Variants in SNRPN observed in about 807,000 individuals in gnomAD.
The protein encoded by SNRPN is small nuclear ribonucleoprotein-associated protein N.
SNRPN carries 7 observed loss-of-function variants against 25.2 expected under a neutral mutation model. The observed-to-expected ratio is 0.28, with a 90% confidence interval of 0.16 to 0.52. The LOEUF (loss-of-function observed/expected upper bound fraction) is 0.52. Ranked by LOEUF, SNRPN falls within the 20% of genes least tolerant of loss-of-function variation. The probability of loss-of-function intolerance (pLI) is 0.96; values close to 1 mark genes in which losing one functional copy is unlikely to be tolerated. For synonymous variants in SNRPN, 124 were observed against 110.6 expected (o/e 1.12, Z -0.76); for missense variants, 196 against 322.5 (o/e 0.61, Z 3.00).
chr15:24,923,827 G>A lies in SNRPN; in HGVS notation c.-391+3703G>A, dbSNP rs555622486. Among the ~76,000 whole-genome samples the A allele has an allele frequency of 3.7e-4, 55 of 150,520 alleles. 2 individuals are homozygous for A. The South Asian group carries it at 0.012, about 32-fold the overall frequency. Reference sequence around the variant, plus strand: ...GGAAGGGCTCACTTGGGTCTTCTCAGTTGCTGGAGTTCACTGTGATAAATT... The same window carrying A: ...GGAAGGGCTCACTTGGGTCTTCTCAATTGCTGGAGTTCACTGTGATAAATT... On this transcript the variant is annotated intron_variant, in intron 3 of 11. Coordinates refer to the SNRPN transcript ENST00000400097.
intron 3 of SNRPN, among the ~76,000 whole-genome samples, chr15:24,920,709 C>T (rs1199800518): frequency 1.3e-5 from 2 of 152,106 alleles, no homozygotes; most frequent in African/African-American, 4.8e-5. Context: ...GGGCGGGCAG[C>T]GGGCGTGTAT....
rs1276410497 is a variant in SNRPN at position 24,929,067 on chromosome 15, T to G, written c.-391+8943T>G. 6.6e-6 allele frequency among the ~76,000 whole-genome samples: 1 copy of G among 152,302 alleles called. No individual in the cohort carries two copies. Among genetic ancestry groups the G allele is most frequent in the Non-Finnish European group, 1.5e-5 (1 of 68,022 alleles). ...GCGTACTTAGAAACCAAGGTCTTGG[T>G]GCTACTGGTATGTTATTGCTTTTAG... On this transcript the variant is annotated intron_variant, in intron 3 of 11. Transcript: ENST00000400097. The surrounding 1 kb of genome is among the most constrained non-coding windows in gnomAD (Gnocchi z 5.3).
chr15:24,877,661 AACACACACACAC>A (rs72120147), intron 1 of SNRPN, among the ~76,000 whole-genome samples: 340 of 144,754 alleles, frequency 2.3e-3, no homozygotes, highest in African/African-American at 7.3e-3. Context: ...ATCTCTACAA[AACACACACACAC>A]ACACACACAC....
intron 2 of SNRPN, chr15:24,848,849 AAAAAATGTACAAGGTT>A (rs2052513447): frequency 6.6e-6 from 1 of 152,142 alleles, no homozygotes; most frequent in African/African-American, 2.4e-5. Context: ...GTGTTTTAAG[AAAAAATGTACAAGGTT>A]GAAAGAAGTT....
chr15:24,974,934 G>A (rs1225357007), intron 4 of SNRPN: 1 of 702,992 alleles, frequency 1.4e-6, no homozygotes, highest in Admixed American at 2.0e-5. Context: ...GTGAAGGACT[G>A]TCCTGCAGAT....
chr15:24,857,741 G>A (rs965985265), intron 1 of SNRPN, among the ~76,000 whole-genome samples: 4 of 152,184 alleles, frequency 2.6e-5, no homozygotes, highest in Non-Finnish European at 4.4e-5. Context: ...TGTCTAGACA[G>A]AGCCGATTTA....
intron 3 of SNRPN, 68 bp downstream of exon 3, chr15:24,968,150 T>C: frequency 1.1e-6 from 1 of 895,668 alleles, no homozygotes; most frequent in South Asian, 1.4e-5. Context: ...GGGGTTCTCT[T>C]AATTATCAGT....
chr15:24,868,829 G>GTATT (rs1279205058), intron 1 of SNRPN, among the ~76,000 whole-genome samples: 1 of 152,114 alleles, frequency 6.6e-6, no homozygotes, highest in African/African-American at 2.4e-5. Flanking sequence ...ACTGAACAAT[G>GTATT]TATTACTTAG....
chr15:24,848,522 A>C (rs1016655593), intron 2 of SNRPN: 1 of 152,138 alleles, frequency 6.6e-6, no homozygotes, highest in African/African-American at 2.4e-5. Context: ...TCTCTTTCCC[A>C]AAAACTGTGG....
intron 3 of SNRPN, among the ~76,000 whole-genome samples, chr15:24,935,232 G>A (rs994159447): frequency 5.3e-5 from 8 of 151,310 alleles, no homozygotes; most frequent in Admixed American, 3.3e-4. Flanking sequence ...AGATCATGCC[G>A]CTACACTCCA....
intron 2 of SNRPN, chr15:24,909,603 T>C: frequency 5.7e-6 from 7 of 1,234,652 alleles, no homozygotes; most frequent in Middle Eastern, 2.7e-4. Context: ...GTGCAGACTA[T>C]CATATCCCCC....
intron 1 of SNRPN, among the ~76,000 whole-genome samples, chr15:24,883,276 C>A (rs1595682828): frequency 6.6e-6 from 1 of 152,326 alleles, no homozygotes; most frequent in Non-Finnish European, 1.5e-5. Context: ...GCAGTCTCTG[C>A]CAGGATGTGC....
At chr15:24,851,047 T>C (rs1293784942) in intron 2 of SNRPN, 2 of 152,054 alleles carry the variant, frequency 1.3e-5, no homozygotes, top group Non-Finnish European at 2.9e-5. Context: ...CAGCCTCCCA[T>C]GTAGCTGGGA....
upstream of SNRPN, among the ~76,000 whole-genome samples, chr15:24,951,834 T>G (rs1417775207): frequency 1.3e-5 from 2 of 152,192 alleles, no homozygotes; most frequent in Admixed American, 1.3e-4. Flanking sequence ...TTATACATTC[T>G]GGATACTACA....
chr15:24,877,883 T>C (rs1213507871), intron 1 of SNRPN, among the ~76,000 whole-genome samples: 1 of 152,170 alleles, frequency 6.6e-6, no homozygotes. Context: ...CCAGCAACGA[T>C]ACAGGGAAGC....
Position 24,959,435 on chromosome 15 carries a change from A to G in SNRPN, c.-390-2679A>G, listed in dbSNP as rs569792702. ...GGAGCCTGGGAGTTCAAGCTTGGGTATTGAGACCCCGTCTCTACATTTAAA... is the reference window on the plus strand; with the variant it reads ...GGAGCCTGGGAGTTCAAGCTTGGGTGTTGAGACCCCGTCTCTACATTTAAA... On this transcript the variant is annotated intron_variant, in intron 1 of 9. Transcript: ENST00000390687. Among the ~76,000 whole-genome samples, 3 of 152,270 alleles carry G rather than the reference A, an allele frequency of 2.0e-5. No individual in the cohort carries two copies. In the East Asian group the frequency reaches 5.8e-4, roughly 29 times the overall value.
At chr15:24,885,660 A>G (rs2057122936) in intron 1 of SNRPN, among the ~76,000 whole-genome samples, 1 of 151,452 alleles carries the variant, frequency 6.6e-6, no homozygotes, top group Non-Finnish European at 1.5e-5. Context: ...CAGGCAAGCC[A>G]GTGGAGAGAG....
At chr15:24,874,612 T>C (rs2055663926) in intron 1 of SNRPN, among the ~76,000 whole-genome samples, 1 of 152,202 alleles carries the variant, frequency 6.6e-6, no homozygotes, top group Non-Finnish European at 1.5e-5. Context: ...CAGAATCTAG[T>C]CATAATATGG....
chr15:24,868,160 T>A (rs2054769726), intron 1 of SNRPN, among the ~76,000 whole-genome samples: 1 of 151,854 alleles, frequency 6.6e-6, no homozygotes, highest in South Asian at 2.1e-4. Context: ...TACATATGCA[T>A]GAATGCTCAT....
Sources: gnomAD v4.1 joint callset for allele counts (sites outside exome capture counted in the v4.1 genomes callset) on GRCh38, gnomAD v4.1.1 for gene constraint, Gnocchi (gnomAD v3.1) non-coding constraint, MANE v1.5 for transcripts, NCBI Gene and HGNC (gene_info 2026-07-23, HGNC 2026-07-21) for gene names.